TMEM223: variants seen among roughly 807,000 people sequenced by gnomAD.
TMEM223 encodes the protein transmembrane protein 223.
In TMEM223, 14 loss-of-function variants were observed where a neutral mutation model predicts 14.1. The ratio of observed to expected loss-of-function variants is 0.99; its 90% CI spans 0.66 to 1.55. The LOEUF is 1.55. TMEM223 is among the 40% of genes most tolerant of loss of function. The probability of loss-of-function intolerance (pLI) is 0.00; values close to 1 mark genes in which losing one functional copy is unlikely to be tolerated. For missense variants in TMEM223, 346 were observed against 269.9 expected, an observed-to-expected ratio of 1.28 and a Z score of -1.97; for synonymous variants, 145 against 120.5, an observed-to-expected ratio of 1.20 and a Z score of -1.33.
At chr11:62,776,712 C>T (rs1434828164) in intron 1 of TMEM223, among the ~76,000 whole-genome samples, 1 of 151,858 alleles carries the variant, frequency 6.6e-6, no homozygotes, top group East Asian at 1.9e-4. Flanking sequence ...TTAGCTGGGC[C>T]TGGTGGTACA....
downstream of TMEM223, chr11:62,787,942 GCA>G (rs1010475979): frequency 9.6e-5 from 47 of 488,716 alleles, no homozygotes; most frequent in Admixed American, 5.3e-4. Context: ...CATGATTGTA[GCA>G]CAGTGTGTTA....
chr11:62,771,778 CG>C (rs1444139557), exon 3 of TMEM223: 8 of 225,140 alleles, frequency 3.6e-5, no homozygotes, highest in African/African-American at 1.8e-4. Context: ...GGCTGAGGAG[CG>C]GGAGACTTTG....
intron 1 of TMEM223, among the ~76,000 whole-genome samples, chr11:62,780,820 C>G (rs2084223561): frequency 6.6e-6 from 1 of 150,884 alleles, no homozygotes; most frequent in Non-Finnish European, 1.5e-5. Context: ...GTCTGTAATC[C>G]TAGCTACTTG....
downstream of TMEM223, chr11:62,787,309 T>C (rs769202376): frequency 2.0e-6 from 3 of 1,530,570 alleles, no homozygotes; most frequent in Non-Finnish European, 1.7e-6. Flanking sequence ...CAGTGGCCCC[T>C]TCGTTCCTTG....
At chr11:62,787,910 A>G (rs766288275), downstream of TMEM223, 32 of 518,574 alleles carry the variant, frequency 6.2e-5, no homozygotes, top group Non-Finnish European at 1.0e-4. Context: ...AGCATAGTGT[A>G]GTGGAGATGA....
At chr11:62,787,566 G>C, downstream of TMEM223, 4 of 1,503,234 alleles carry the variant, frequency 2.7e-6, no homozygotes, top group Non-Finnish European at 3.5e-6. Flanking sequence ...CGGGGGAGCT[G>C]GCCGGTCTGG....
At position 62,790,431 on chromosome 11, in the gene TMEM223, G is replaced by GTTT; in HGVS notation, c.*189_*191dup. The GTTT allele has an allele frequency of 7.1e-6, 4 of 566,140 alleles. No homozygotes were observed. Among genetic ancestry groups the GTTT allele is most frequent in the South Asian group, 4.9e-5 (2 of 41,026 alleles). The allele number at this position is 566,140 out of a possible 1,614,324, so 35.1% of individuals were successfully genotyped here. ...GTTGTTACTCCATTCTAAGATTGGC[G>GTTT]TTTTTTTTTGTTTTTTTTTTTGTAA... On this transcript the variant is annotated 3_prime_UTR_variant, in exon 2 of 2. Coordinates refer to ENST00000307366, the MANE Select transcript of TMEM223 (RefSeq NM_001080501.3).
intron 1 of TMEM223, chr11:62,776,538 G>A: frequency 6.6e-7 from 1 of 1,517,096 alleles, no homozygotes; most frequent in Non-Finnish European, 9.1e-7. Context: ...GTTCAGGGCT[G>A]GCGATGTGGT....
downstream of TMEM223, among the ~76,000 whole-genome samples, chr11:62,784,527 C>T (rs140396418): frequency 9.4e-3 from 1,422 of 151,904 alleles, 20 homozygotes; most frequent in African/African-American, 0.033. Flanking sequence ...AGGATGGTCT[C>T]GATCTCCTGG....
chr11:62,774,644 C>T (rs1027407812), exon 2 of TMEM223: 2 of 455,100 alleles, frequency 4.4e-6, no homozygotes, highest in Admixed American at 2.3e-5. Context: ...CTGTTTTTGT[C>T]GGTTTCTTAT....
downstream of TMEM223, among the ~76,000 whole-genome samples, chr11:62,783,342 T>C (rs979336316): frequency 3.3e-5 from 5 of 151,814 alleles, no homozygotes; most frequent in Admixed American, 6.6e-5. Flanking sequence ...ATTAGCCTGG[T>C]GTGGTGGCGG....
At chr11:62,774,369 C>A (rs2084170360) in intron 2 of TMEM223, among the ~76,000 whole-genome samples, 1 of 152,204 alleles carries the variant, frequency 6.6e-6, no homozygotes, top group Non-Finnish European at 1.5e-5. Context: ...AGCCACCGCG[C>A]CCGGCCCAAA....
chr11:62,787,057 C>T (rs1445594761), downstream of TMEM223: 4 of 1,524,934 alleles, frequency 2.6e-6, no homozygotes, highest in South Asian at 3.6e-5. Flanking sequence ...GACCGGCACC[C>T]GCGACGTTTT....
chr11:62,787,108 C>T (rs374489267), downstream of TMEM223: 5 of 1,549,340 alleles, frequency 3.2e-6, no homozygotes, highest in African/African-American at 1.4e-5. Context: ...CCCGCACTTT[C>T]GTTTCATCAT....
rs1348455073 is a variant in TMEM223 at position 62,791,824 on chromosome 11, G to C, written c.171C>G (p.Val57=). 2.1e-5 allele frequency: 33 copies of C among 1,586,916 alleles called. No individual in the cohort carries two copies. Among genetic ancestry groups the C allele is most frequent in the Non-Finnish European group, 2.8e-5 (33 of 1,167,544 alleles). Residue 57 remains valine, a synonymous_variant, in exon 1 of 2, where the codon GTC becomes GTG. Transcript: ENST00000307366. ...CTGCCACAGCCATGGAAGCCCAGAAGACGCCCTGGCCCGCGCAGAACAGCC... is the reference window on the plus strand; with the variant it reads ...CTGCCACAGCCATGGAAGCCCAGAACACGCCCTGGCCCGCGCAGAACAGCC... ...ILGLFCAGQG[V]FWASMAVAAV... is the part of the protein sequence containing the mutation.
chr11:62,779,976 A>ATATATATATATATTTTTTTTTTTT (rs1294367864), intron 1 of TMEM223, among the ~76,000 whole-genome samples: 3 of 52,624 alleles, frequency 5.7e-5, no homozygotes, highest in Non-Finnish European at 7.3e-5. Context: ...ATATATATAT[A>ATATATATATATATTTTTTTTTTTT]TTTTTTTTTT....
chr11:62,784,253 G>A (rs1431938047), downstream of TMEM223, among the ~76,000 whole-genome samples: 1 of 150,376 alleles, frequency 6.6e-6, no homozygotes, highest in African/African-American at 2.4e-5. Flanking sequence ...TTCCCAAAGT[G>A]CTGGGATTAC....
At chr11:62,786,580 G>C, downstream of TMEM223, 1 of 1,572,628 alleles carries the variant, frequency 6.4e-7, no homozygotes, top group South Asian at 1.2e-5. Flanking sequence ...GGGTGGCCCA[G>C]GTGGCAGGGG....
chr11:62,790,953 C>A (rs1399977199), intron 1 of TMEM223, 38 bp from the exon 2 acceptor site: 2 of 1,496,524 alleles, frequency 1.3e-6, no homozygotes, highest in Non-Finnish European at 1.8e-6. Flanking sequence ...GGGGTTTTCA[C>A]TGGGCATCTA....
Sources: allele counts gnomAD v4.1 joint callset (sites outside exome capture counted in the v4.1 genomes callset), GRCh38; gene constraint gnomAD v4.1.1; transcripts MANE v1.5; gene names NCBI Gene and HGNC (gene_info 2026-07-23, HGNC 2026-07-21).